Variants in SDE2 observed in about 807,000 individuals in gnomAD.
SDE2 encodes the protein spliceosome associated SDE2.
Under a neutral mutation model 46.9 loss-of-function variants are expected in SDE2, and 31 were observed. The ratio of observed to expected loss-of-function variants is 0.66; its 90% confidence interval spans 0.50 to 0.89. SDE2 has a LOEUF of 0.89. Ranked by LOEUF, SDE2 falls within the 40% of genes least tolerant of loss-of-function variation. The pLI is 0.00. For synonymous variants in SDE2, 205 were observed against 204.3 expected, an observed-to-expected ratio of 1.00 and a Z score of -0.03; for missense variants, 542 against 564.4, an observed-to-expected ratio of 0.96 and a Z score of 0.40.
In SDE2 at chr1:225,988,060, C is replaced by A. The variant is rs780904838; in HGVS notation, c.970G>T (p.Ala324Ser). The A allele has an allele frequency of 3.7e-6, 6 of 1,614,178 alleles. No individual in the cohort carries two copies. The highest frequency in any genetic ancestry group is 1.1e-5 in the South Asian group (1 of 91,082). Residue 324 changes from alanine to serine, a missense_variant, in exon 6 of 7, where the codon GCA becomes TCA. Ala to Ser is a moderately conservative substitution (Grantham distance 99). Coordinates refer to ENST00000272091, the MANE Select transcript of SDE2 (RefSeq NM_152608.4). ...TCTTCTATGGGTTCTTTACTCTCTG[C>A]CTTCTTCTCCTGGGTCTCTTCTGTT... is the stretch of plus-strand genomic sequence containing the variant. ...TETEETQEKK[A>S]ESKEPIEEEP...
chr1:225,998,444 T>C (rs1656581687), intron 1 of SDE2, among the ~76,000 whole-genome samples: 1 of 152,258 alleles, frequency 6.6e-6, no homozygotes, highest in Non-Finnish European at 1.5e-5. Flanking sequence ...AACAGAGTTC[T>C]AGATCAAGTG....
rs1316176261 is a variant in SDE2 at position 225,984,155 on chromosome 1, G to C, written c.*1147C>G. On this transcript the variant is annotated 3_prime_UTR_variant, in exon 7 of 7. Coordinates refer to ENST00000272091, the MANE Select transcript of SDE2 (RefSeq NM_152608.4). ...CCAGCTACTGAGGAGGCTGAGGCAG[G>C]AGAATCGCTTGAACCCAGGAGGCAG... The C allele has an allele frequency of 6.6e-6, 1 of 152,154 alleles. No individual in the cohort carries two copies. Among genetic ancestry groups the C allele is most frequent in the Non-Finnish European group, 1.5e-5 (1 of 68,074 alleles). The allele number at this position is 152,154 out of a possible 1,614,324, so 9.4% of individuals were successfully genotyped here. A position where few individuals can be genotyped will look rare whatever the true frequency, so the allele number is the denominator to read the frequency against.
chr1:225,986,336 A>T (rs928883228), intron 6 of SDE2, among the ~76,000 whole-genome samples: 2 of 136,350 alleles, frequency 1.5e-5, no homozygotes, highest in Admixed American at 7.3e-5. Flanking sequence ...CTCTGTCATT[A>T]AAAAAAAAAA....
rs757096219 is a variant in SDE2 at position 225,992,451 on chromosome 1, T to C, written c.467A>G (p.Tyr156Cys). The change falls in exon 4 of 7, where the codon TAC becomes TGC. Residue 156 changes from tyrosine (Y) to cysteine (C), a missense_variant. This residue lies in a region of SDE2 where 401 missense variants were observed against 437.8 expected (regional missense o/e 0.92). Transcript: ENST00000272091. ...EPKHCFTSPD[Y>C]QQQCHEMAER... Reference sequence around the variant, plus strand: ...AGCCATCTCATGGCACTGCTGCTGGTAGTCGGGGCTGGTGAAGCAGTGCTT... The same window carrying C: ...AGCCATCTCATGGCACTGCTGCTGGCAGTCGGGGCTGGTGAAGCAGTGCTT... 5.0e-6 allele frequency: 8 copies of C among 1,613,562 alleles called. No homozygotes were observed. Among genetic ancestry groups the C allele is most frequent in the African/African-American group, 4.0e-5 (3 of 74,906 alleles).
intron 5 of SDE2, among the ~76,000 whole-genome samples, chr1:225,990,667 T>C (rs554114567): frequency 1.2e-4 from 19 of 152,160 alleles, no homozygotes; most frequent in Non-Finnish European, 2.4e-4. Flanking sequence ...GCTGAACTCA[T>C]AGTGTTATAT....
At chr1:225,986,186 G>A (rs1280167945) in intron 6 of SDE2, among the ~76,000 whole-genome samples, 3 of 151,842 alleles carry the variant, frequency 2.0e-5, no homozygotes, top group African/African-American at 4.8e-5. Flanking sequence ...AAAATTAGCC[G>A]GGTGTGGTGG....
intron 4 of SDE2, 74 bp downstream of exon 4, chr1:225,992,324 G>A (rs1459936568): frequency 7.8e-6 from 8 of 1,030,008 alleles, no homozygotes; most frequent in Non-Finnish European, 1.0e-5. Flanking sequence ...TGCTCTTTGT[G>A]CGTAGTGTAG....
intron 6 of SDE2, among the ~76,000 whole-genome samples, chr1:225,986,099 C>G (rs1237344228): frequency 2.0e-5 from 3 of 152,074 alleles, no homozygotes; most frequent in African/African-American, 7.2e-5. Context: ...GAGGTGGAGG[C>G]AGGCGGAACA....
At chr1:225,995,530 G>C in intron 1 of SDE2, 147 bp from the exon 2 acceptor site, 1 of 522,124 alleles carries the variant, frequency 1.9e-6, no homozygotes, top group East Asian at 3.2e-5. Flanking sequence ...TAAACTACTA[G>C]GAGAAAAAGT....
chr1:225,985,289 G>C lies in SDE2; in HGVS notation c.*13C>G. 1 of 1,594,764 alleles carries C rather than the reference G, an allele frequency of 6.3e-7. No homozygotes were observed. ...AGACACTATAAACAAATAGGAATCAGCTCTGATGATACTCATTTTTTCTTC... is the reference window on the plus strand; with the variant it reads ...AGACACTATAAACAAATAGGAATCACCTCTGATGATACTCATTTTTTCTTC... On this transcript the variant is annotated 3_prime_UTR_variant, in exon 7 of 7. Transcript: ENST00000272091.
At chr1:225,993,107 C>T in intron 2 of SDE2, 105 bp from the exon 3 acceptor site, 2 of 223,560 alleles carry the variant, frequency 8.9e-6, no homozygotes, top group South Asian at 6.2e-5. Context: ...ATGATCTCTA[C>T]TTTCTTTCTT....
intron 2 of SDE2, 113 bp from the exon 3 acceptor site, chr1:225,993,115 CT>C (rs566799394): frequency 0.026 from 6,373 of 249,390 alleles, no homozygotes; most frequent in Middle Eastern, 0.044. Context: ...TACTTTCTTT[CT>C]TTTTTTTTTT....
rs902921386 is a variant in SDE2, at chr1:225,984,563, C to G, written c.*739G>C. 21 of 152,254 alleles carry G rather than the reference C, an allele frequency of 1.4e-4. No individual in the cohort carries two copies. The highest frequency in any genetic ancestry group is 3.9e-4 in the African/African-American group (16 of 41,454). 9.4% of individuals were successfully genotyped at this position (152,254 alleles called of 1,614,324 possible). A position where few individuals can be genotyped will look rare whatever the true frequency, so the allele number is the denominator to read the frequency against. ...CGGTGGCTCACGCCTGTAATCCCAG[C>G]ACTCTGGGAGGCTGAGGCGGGTGGA... is the stretch of plus-strand genomic sequence containing the variant. On this transcript the variant is annotated 3_prime_UTR_variant, in exon 7 of 7. Coordinates refer to ENST00000272091, the MANE Select transcript of SDE2 (RefSeq NM_152608.4).
At chr1:225,993,080 G>T in intron 2 of SDE2, 78 bp from the exon 3 acceptor site, 8 of 632,124 alleles carry the variant, frequency 1.3e-5, no homozygotes, top group Admixed American at 2.9e-5. Context: ...AAAACAATCT[G>T]TATCACAAGA....
In SDE2 at chr1:225,993,338, G is replaced by GC. The variant is rs1656447278; in HGVS notation, c.239-337dup. Reference sequence around the variant, plus strand: ...TTAAAAAGCTTTACCCAGGCCAGGTGCAGTGGCTCACGCCTGTAATCCCAG... The same window carrying GC: ...TTAAAAAGCTTTACCCAGGCCAGGTGCCAGTGGCTCACGCCTGTAATCCCAG... On this transcript the variant is annotated intron_variant, in intron 2 of 6. Transcript: ENST00000272091. Among the ~76,000 whole-genome samples, 3 of 152,258 alleles carry GC rather than the reference G, an allele frequency of 2.0e-5. No homozygotes were observed. The South Asian group carries it at 6.2e-4, about 32-fold the overall frequency.
chr1:225,995,883 G>A (rs1656511933), intron 1 of SDE2, among the ~76,000 whole-genome samples: 1 of 152,134 alleles, frequency 6.6e-6, no homozygotes, highest in African/African-American at 2.4e-5. Flanking sequence ...CATGAAAAAT[G>A]AGCAAAAATG....
intron 1 of SDE2, among the ~76,000 whole-genome samples, chr1:225,995,846 A>G (rs1202112557): frequency 2.0e-5 from 3 of 152,336 alleles, no homozygotes; most frequent in East Asian, 1.9e-4. Context: ...ATACACCTAT[A>G]TAAGTACACC....
intron 1 of SDE2, 51 bp downstream of exon 1, chr1:225,999,142 C>T (rs376616547): frequency 1.3e-6 from 2 of 1,508,080 alleles, no homozygotes; most frequent in Non-Finnish European, 1.8e-6. Context: ...GCACCCAGCG[C>T]TGCCACCTGT....
At chr1:225,987,282 A>C (rs1168841411) in intron 6 of SDE2, among the ~76,000 whole-genome samples, 1 of 152,086 alleles carries the variant, frequency 6.6e-6, no homozygotes, top group African/African-American at 2.4e-5. Flanking sequence ...CAAGCTCCTG[A>C]CCTCAGGTGA....
Sources: gnomAD v4.1 joint callset for allele counts (sites outside exome capture counted in the v4.1 genomes callset) on GRCh38, gnomAD v4.1.1 for gene constraint, gnomAD v4.1.1 regional missense constraint, MANE v1.5 for transcripts, NCBI Gene and HGNC (gene_info 2026-07-23, HGNC 2026-07-21) for gene names.